The following OLA1 variants were observed in gnomAD, a reference collection of about 807,000 sequenced individuals.
OLA1 encodes obg-like ATPase 1.
A neutral mutation model predicts 48.4 loss-of-function variants in OLA1; 14 were observed. The ratio of observed to expected loss-of-function variants is 0.29; its 90% confidence interval spans 0.19 to 0.45. The LOEUF (loss-of-function observed/expected upper bound fraction) is 0.45. Among genes scored for constraint, OLA1 ranks in the 20% least tolerant of loss-of-function variants. OLA1 has a pLI of 1.00. For missense variants in OLA1, 325 were observed against 467.1 expected (o/e 0.70, Z 2.80); for synonymous variants, 127 against 150.4 (o/e 0.84, Z 1.14).
intron 4 of OLA1, among the ~76,000 whole-genome samples, chr2:174,217,252 T>C (rs1688382517): frequency 6.6e-6 from 1 of 151,936 alleles, no homozygotes; most frequent in African/African-American, 2.4e-5. Context: ...TTTCTAGAGA[T>C]GAGATCTCAC....
At chr2:174,106,184 G>C (rs944394317) in intron 7 of OLA1, among the ~76,000 whole-genome samples, 2 of 151,884 alleles carry the variant, frequency 1.3e-5, no homozygotes, top group Non-Finnish European at 2.9e-5. Flanking sequence ...TTTTTAAAAA[G>C]AAATACACAC....
chr2:174,124,180 C>G (rs976057585), intron 5 of OLA1: 1 of 152,308 alleles, frequency 6.6e-6, no homozygotes, highest in Admixed American at 6.6e-5. Context: ...TTGCCAACAC[C>G]TTCTCCCTGC....
At chr2:174,192,079 T>G (rs1380872210) in intron 4 of OLA1, among the ~76,000 whole-genome samples, 1 of 152,238 alleles carries the variant, frequency 6.6e-6, no homozygotes, top group African/African-American at 2.4e-5. Context: ...GCTAAGGATT[T>G]TTTTATAATT....
chr2:174,125,398 G>A (rs1686024777), intron 5 of OLA1, among the ~76,000 whole-genome samples: 1 of 152,236 alleles, frequency 6.6e-6, no homozygotes, highest in East Asian at 1.9e-4. Flanking sequence ...TGGTTACTAT[G>A]ATGAGTGGCC....
At chr2:174,164,892 CAA>C (rs957149018) in intron 4 of OLA1, among the ~76,000 whole-genome samples, 1 of 152,142 alleles carries the variant, frequency 6.6e-6, no homozygotes, top group Non-Finnish European at 1.5e-5. Context: ...AAGACTTGAA[CAA>C]AGTCAGTCTT....
chr2:174,084,533 A>G (rs1574471278), intron 7 of OLA1, among the ~76,000 whole-genome samples: 1 of 152,232 alleles, frequency 6.6e-6, no homozygotes, highest in South Asian at 2.1e-4. Context: ...GGTAATTAAA[A>G]ATATTATTTG....
intron 5 of OLA1, among the ~76,000 whole-genome samples, chr2:174,128,811 T>C (rs1353295281): frequency 6.6e-6 from 1 of 151,956 alleles, no homozygotes; most frequent in Non-Finnish European, 1.5e-5. Context: ...CTAATTAAGT[T>C]ATGGGGCACT....
At chr2:174,178,557 G>C (rs914327145) in intron 4 of OLA1, among the ~76,000 whole-genome samples, 15 of 151,910 alleles carry the variant, frequency 9.9e-5, no homozygotes, top group African/African-American at 3.6e-4. Flanking sequence ...ACATACACTT[G>C]ATATGATCAA....
chr2:174,075,116 T>G lies in OLA1; in HGVS notation c.*310A>C, dbSNP rs894389180. 7.6e-6 allele frequency: 2 copies of G among 264,398 alleles called. No homozygotes were observed. Among genetic ancestry groups the G allele is most frequent in the Admixed American group, 5.0e-5 (1 of 19,822 alleles). The allele number at this position is 264,398 out of a possible 1,614,324, so 16.4% of individuals were successfully genotyped here. On this transcript the variant is annotated 3_prime_UTR_variant, in exon 11 of 11. Coordinates refer to ENST00000284719, the MANE Select transcript of OLA1 (RefSeq NM_013341.5). Reference sequence around the variant, plus strand: ...CACATTGTCCTCACTGTCAAATGTGTCAGGCTTGGCATACATGATGGAGAT... The same window carrying G: ...CACATTGTCCTCACTGTCAAATGTGGCAGGCTTGGCATACATGATGGAGAT...
At chr2:174,230,096 A>G (rs1194484821) in intron 2 of OLA1, among the ~76,000 whole-genome samples, 1 of 152,198 alleles carries the variant, frequency 6.6e-6, no homozygotes, top group East Asian at 1.9e-4. Context: ...TAATCATTTG[A>G]CTGCTATCAA....
intron 7 of OLA1, among the ~76,000 whole-genome samples, chr2:174,109,417 A>G (rs1387908680): frequency 1.3e-5 from 2 of 152,212 alleles, no homozygotes; most frequent in Non-Finnish European, 2.9e-5. Context: ...GTCCCATCAC[A>G]TACCATAATC....
chr2:174,162,227 CTAA>C (rs775032007), intron 4 of OLA1, among the ~76,000 whole-genome samples: 1 of 152,134 alleles, frequency 6.6e-6, no homozygotes, highest in Non-Finnish European at 1.5e-5. Flanking sequence ...GGAAAACATA[CTAA>C]TGTTTAACAA....
intron 4 of OLA1, among the ~76,000 whole-genome samples, chr2:174,187,124 G>A (rs1687675227): frequency 6.6e-6 from 1 of 152,166 alleles, no homozygotes; most frequent in Non-Finnish European, 1.5e-5. Context: ...CAGTTTGGTT[G>A]CAGAAATTTA....
In OLA1 at chr2:174,081,137, A is replaced by T; in HGVS notation, c.966+15T>A. 6.3e-7 allele frequency: 1 copy of T among 1,597,272 alleles called. No individual in the cohort carries two copies. Among genetic ancestry groups the T allele is most frequent in the South Asian group, 1.1e-5 (1 of 90,738 alleles). ...GTGGAACTGGATATAGCTGATGAATAAGTATGAATCTTACCCTGATGGTCC... is the reference window on the plus strand; with the variant it reads ...GTGGAACTGGATATAGCTGATGAATTAGTATGAATCTTACCCTGATGGTCC... On this transcript the variant is annotated intron_variant, in intron 9 of 10. Transcript: ENST00000284719.
chr2:174,093,479 C>A (rs944880944), intron 7 of OLA1, among the ~76,000 whole-genome samples: 8 of 142,538 alleles, frequency 5.6e-5, no homozygotes, highest in Admixed American at 1.4e-4. Context: ...AAAAAAAAAA[C>A]CAAACAAACC....
intron 7 of OLA1, among the ~76,000 whole-genome samples, chr2:174,088,410 C>A (rs1335535847): frequency 6.6e-6 from 1 of 152,152 alleles, no homozygotes. Context: ...ATAGTATTAA[C>A]CTGTAAACCT....
intron 4 of OLA1, among the ~76,000 whole-genome samples, chr2:174,191,219 T>C (rs1687769712): frequency 6.6e-6 from 1 of 152,058 alleles, no homozygotes; most frequent in Non-Finnish European, 1.5e-5. Context: ...TTGTACAACA[T>C]AAATATACAA....
In OLA1 at chr2:174,182,265, C is replaced by A. The variant is rs991865534; in HGVS notation, c.374-40265G>T. Among the ~76,000 whole-genome samples, 3 of 152,308 alleles carry A rather than the reference C, an allele frequency of 2.0e-5. No homozygotes were observed. In the East Asian group the frequency reaches 5.8e-4, roughly 29 times the overall value. ...TTCGGCCGGGCGCGGTGGCTCACGC[C>A]TGTAATCCCAGCACTTTGGGAGGCC... On this transcript the variant is annotated intron_variant, in intron 4 of 10. Coordinates refer to ENST00000284719, the MANE Select transcript of OLA1 (RefSeq NM_013341.5).
intron 4 of OLA1, among the ~76,000 whole-genome samples, chr2:174,220,075 T>A (rs755677170): frequency 6.6e-6 from 1 of 152,122 alleles, no homozygotes; most frequent in Admixed American, 6.5e-5. Flanking sequence ...GAGGTTTCAG[T>A]GAGCCGAGAT....
Sources: allele counts gnomAD v4.1 joint callset (sites outside exome capture counted in the v4.1 genomes callset), GRCh38; gene constraint gnomAD v4.1.1; transcripts MANE v1.5; gene names NCBI Gene and HGNC (gene_info 2026-07-23, HGNC 2026-07-21).